SASH1: variants seen among roughly 807,000 people sequenced by gnomAD.
SASH1 encodes SAM and SH3 domain containing 1.
A neutral mutation model predicts 125.2 loss-of-function variants in SASH1; 44 were observed. The ratio of observed to expected loss-of-function variants is 0.35; its 90% CI spans 0.28 to 0.45. SASH1 has a LOEUF of 0.45. SASH1 is among the 20% of genes least tolerant of loss of function. SASH1 has a pLI of 1.00. For missense variants in SASH1, 1,426 were observed against 1,614.5 expected (o/e 0.88, Z 2.00); for synonymous variants, 639 against 649.1 (o/e 0.98, Z 0.24).
intron 1 of SASH1, among the ~76,000 whole-genome samples, chr6:148,334,302 C>T (rs1781084794): frequency 6.7e-6 from 1 of 148,206 alleles, no homozygotes; most frequent in Middle Eastern, 3.5e-3. Context: ...ATGGCGGGCG[C>T]CTGTAGTCCC....
At chr6:148,288,864 G>C (rs1190449120) in intron 1 of SASH1, among the ~76,000 whole-genome samples, 1 of 152,188 alleles carries the variant, frequency 6.6e-6, no homozygotes. Flanking sequence ...ATCAAAGCCT[G>C]GTTACCAGAC....
intron 2 of SASH1, among the ~76,000 whole-genome samples, chr6:148,406,585 A>G (rs900130530): frequency 4.9e-4 from 75 of 152,220 alleles, no homozygotes; most frequent in African/African-American, 1.7e-3. Flanking sequence ...TTGGGGATCC[A>G]GGTAAGCAAG....
At chr6:148,517,768 G>C (rs1437486789) in intron 9 of SASH1, among the ~76,000 whole-genome samples, 1 of 152,230 alleles carries the variant, frequency 6.6e-6, no homozygotes, top group Non-Finnish European at 1.5e-5. Flanking sequence ...TGACACCAAA[G>C]TATTGGAATC....
chr6:148,524,683 G>C (rs757276196), intron 10 of SASH1: 1 of 152,264 alleles, frequency 6.6e-6, no homozygotes, highest in Non-Finnish European at 1.5e-5. Flanking sequence ...AGTTCGATGG[G>C]AAAGTTACCA....
chr6:148,205,447 G>A, the SASH1 span, among the ~76,000 whole-genome samples: 1 of 151,954 alleles, frequency 6.6e-6, no homozygotes, highest in African/African-American at 2.4e-5. Context: ...TGTATTTAGG[G>A]GTTGCATTAT....
At chr6:148,527,926 T>TCTAAA (rs1340753717) in intron 12 of SASH1, among the ~76,000 whole-genome samples, 2 of 150,930 alleles carry the variant, frequency 1.3e-5, no homozygotes, top group African/African-American at 4.9e-5. Flanking sequence ...GATTTTATTT[T>TCTAAA]CTAAACTATG....
chr6:148,362,759 G>A (rs538426047), intron 1 of SASH1, among the ~76,000 whole-genome samples: 2 of 152,112 alleles, frequency 1.3e-5, no homozygotes, highest in South Asian at 4.2e-4. Flanking sequence ...GAAGCAGGAG[G>A]ATCACCTTAG....
Position 148,518,108 on chromosome 6 carries a change from C to G in SASH1, c.863-1439C>G, listed in dbSNP as rs138566334. 3.2e-3 allele frequency among the ~76,000 whole-genome samples: 488 copies of G among 152,234 alleles called. 4 individuals are homozygous for G. Among genetic ancestry groups the G allele is most frequent in the Non-Finnish European group, 4.7e-3 (321 of 68,022 alleles). On this transcript the variant is annotated intron_variant, in intron 9 of 19. Transcript: ENST00000367467. ...TTTTTATTTCCAACAGCATAAGAACCCTTGGTCTCCACACCTTGTCAGTCA... is the reference window on the plus strand; with the variant it reads ...TTTTTATTTCCAACAGCATAAGAACGCTTGGTCTCCACACCTTGTCAGTCA...
chr6:148,481,794 G>A lies in SASH1; in HGVS notation c.628-5820G>A, dbSNP rs576214229. ...CAGGTCACCATAACAGATGTAATAA[G>A]AATGAAAAAGTTTGAAATACTGTAG... On this transcript the variant is annotated intron_variant, in intron 7 of 19. Transcript: ENST00000367467. Among the ~76,000 whole-genome samples the A allele has an allele frequency of 3.3e-5, 5 of 152,266 alleles. No homozygotes were observed. In the East Asian group the frequency reaches 7.7e-4, roughly 23 times the overall value.
chr6:148,534,598 G>A (rs1305824504), intron 15 of SASH1, among the ~76,000 whole-genome samples, 153 bp from the exon 16 acceptor site: 4 of 152,212 alleles, frequency 2.6e-5, no homozygotes, highest in Admixed American at 1.3e-4. Flanking sequence ...GGGCTGGGAT[G>A]TACAGGATCC....
At chr6:148,204,157 G>T in the SASH1 span, among the ~76,000 whole-genome samples, 2 of 152,172 alleles carry the variant, frequency 1.3e-5, no homozygotes, top group African/African-American at 4.8e-5. Context: ...GCTCGGCAAG[G>T]CTCTGATGTA....
At chr6:148,393,598 C>A (rs182073699) in intron 2 of SASH1, 2 of 630,514 alleles carry the variant, frequency 3.2e-6, no homozygotes, top group Non-Finnish European at 4.0e-6. Flanking sequence ...GTCTGCCCAT[C>A]GGTGGGATTT....
At chr6:148,374,530 C>T (rs1281027457) in intron 1 of SASH1, among the ~76,000 whole-genome samples, 3 of 152,130 alleles carry the variant, frequency 2.0e-5, no homozygotes, top group East Asian at 3.9e-4. Context: ...GATGTGAATT[C>T]GTTGCAGCTT....
intron 2 of SASH1, among the ~76,000 whole-genome samples, chr6:148,401,771 T>C (rs1246097356): frequency 6.6e-6 from 1 of 150,512 alleles, no homozygotes; most frequent in Non-Finnish European, 1.5e-5. Flanking sequence ...TTCGTGAACA[T>C]CTGGATGTGT....
the SASH1 span, among the ~76,000 whole-genome samples, chr6:148,253,983 A>G: frequency 6.6e-6 from 1 of 152,164 alleles, no homozygotes; most frequent in African/African-American, 2.4e-5. Flanking sequence ...AGGTGGGCGG[A>G]TCACCTGAGG....
At chr6:148,402,677 C>A (rs867277689) in intron 2 of SASH1, among the ~76,000 whole-genome samples, 3 of 149,020 alleles carry the variant, frequency 2.0e-5, no homozygotes, top group South Asian at 2.1e-4. Flanking sequence ...TGCAGTGGCA[C>A]GATCTTGGCT....
intron 7 of SASH1, among the ~76,000 whole-genome samples, chr6:148,477,048 A>G (rs1431307500): frequency 1.3e-5 from 2 of 152,226 alleles, no homozygotes; most frequent in Non-Finnish European, 2.9e-5. Context: ...CTCTCTTGCC[A>G]TATAGAAAAA....
the SASH1 span, among the ~76,000 whole-genome samples, chr6:148,239,721 T>G: frequency 0.83 from 125,152 of 150,276 alleles, 52,602 homozygotes; most frequent in East Asian, 0.94. Context: ...TTTTTTTAAT[T>G]AACCAAAAAT....
intron 1 of SASH1, among the ~76,000 whole-genome samples, chr6:148,364,302 C>T (rs184082591): frequency 7.5e-4 from 114 of 152,192 alleles, no homozygotes; most frequent in Admixed American, 6.7e-3. Context: ...TTCATGGTCA[C>T]GAAGGGAAAG....
Sources: allele counts gnomAD v4.1 joint callset (sites outside exome capture counted in the v4.1 genomes callset), GRCh38; gene constraint gnomAD v4.1.1; transcripts MANE v1.5; gene names NCBI Gene and HGNC (gene_info 2026-07-23, HGNC 2026-07-21).